Variants in LYPD6 observed in about 807,000 individuals in gnomAD.
The protein encoded by LYPD6 is LY6/PLAUR domain containing 6.
Under a neutral mutation model 22.7 loss-of-function variants are expected in LYPD6, and 15 were observed. The observed-to-expected ratio is 0.66, with a 90% CI of 0.44 to 1.02. LYPD6 has a LOEUF of 1.02. Ranked by LOEUF, LYPD6 falls within the 50% of genes least tolerant of loss-of-function variation. LYPD6 has a pLI of 0.00. For missense variants in LYPD6, 189 were observed against 208.4 expected, an observed-to-expected ratio of 0.91 and a Z score of 0.57; for synonymous variants, 72 against 77.5, an observed-to-expected ratio of 0.93 and a Z score of 0.37.
chr2:149,464,673 A>G (rs1218812769), intron 3 of LYPD6, among the ~76,000 whole-genome samples: 1 of 152,168 alleles, frequency 6.6e-6, no homozygotes, highest in Non-Finnish European at 1.5e-5. Context: ...TTCCTTGACA[A>G]TTAGGTGGCA....
chr2:149,388,484 A>G (rs1166993438), intron 1 of LYPD6, among the ~76,000 whole-genome samples: 2 of 152,158 alleles, frequency 1.3e-5, no homozygotes, highest in African/African-American at 4.8e-5. Context: ...TGGGGTTGTC[A>G]AGAAGACTGA....
Position 149,434,905 on chromosome 2 carries a change from T to G in LYPD6, c.-71-2733T>G, listed in dbSNP as rs116347380. 7.9e-3 allele frequency among the ~76,000 whole-genome samples: 1,202 copies of G among 152,232 alleles called. 8 individuals carry two copies. Among genetic ancestry groups the G allele is most frequent in the African/African-American group, 0.028 (1,163 of 41,508 alleles). ...CTGGGACATGTCTTGTGGGAGGAAA[T>G]GTTACCTAAAAAACAAAACAACAAC... On this transcript the variant is annotated intron_variant, in intron 1 of 4. Coordinates refer to ENST00000334166, the MANE Select transcript of LYPD6 (RefSeq NM_194317.5).
At chr2:149,402,854 A>G (rs927349156) in intron 1 of LYPD6, among the ~76,000 whole-genome samples, 50 of 149,890 alleles carry the variant, frequency 3.3e-4, no homozygotes, top group Non-Finnish European at 7.0e-4. Context: ...AGCATTAGGT[A>G]TATCTCCTAA....
chr2:149,344,285 T>C (rs965705581), intron 1 of LYPD6, among the ~76,000 whole-genome samples: 2 of 152,210 alleles, frequency 1.3e-5, no homozygotes, highest in Non-Finnish European at 2.9e-5. Flanking sequence ...GAGAAGTGCA[T>C]GTTGAGATAG....
At chr2:149,410,273 A>T (rs959289253) in intron 1 of LYPD6, among the ~76,000 whole-genome samples, 4 of 151,862 alleles carry the variant, frequency 2.6e-5, no homozygotes, top group Non-Finnish European at 4.4e-5. Context: ...CATCTGTTGG[A>T]TACATTTTTA....
At chr2:149,463,864 G>C (rs1681140129) in intron 3 of LYPD6, among the ~76,000 whole-genome samples, 1 of 152,050 alleles carries the variant, frequency 6.6e-6, no homozygotes, top group Admixed American at 6.6e-5. Context: ...CCAAGGGTTA[G>C]GGAAGGGGTG....
chr2:149,424,461 A>C (rs1168928431), intron 1 of LYPD6, among the ~76,000 whole-genome samples: 1 of 152,260 alleles, frequency 6.6e-6, no homozygotes, highest in Non-Finnish European at 1.5e-5. Context: ...GTCCAAGGTC[A>C]TAGACCTAAT....
intron 1 of LYPD6, among the ~76,000 whole-genome samples, chr2:149,373,264 G>T (rs570852550): frequency 1.1e-4 from 17 of 152,300 alleles, no homozygotes; most frequent in Admixed American, 2.6e-4. Context: ...AGTTTCTAAT[G>T]CCAGTGAGCC....
chr2:149,481,194 A>C, the LYPD6 span, among the ~76,000 whole-genome samples: 1 of 152,228 alleles, frequency 6.6e-6, no homozygotes, highest in Non-Finnish European at 1.5e-5. Flanking sequence ...AATGAGGAAG[A>C]AAGAGTAAGG....
intron 1 of LYPD6, chr2:149,370,428 G>C (rs1486233950): frequency 2.0e-5 from 3 of 152,080 alleles, no homozygotes; most frequent in African/African-American, 7.2e-5. Flanking sequence ...TCATGAGGGT[G>C]GAGCCCTCAT....
At chr2:149,406,541 G>C (rs1682713232) in intron 1 of LYPD6, among the ~76,000 whole-genome samples, 1 of 152,124 alleles carries the variant, frequency 6.6e-6, no homozygotes. Context: ...TTTTATCAGA[G>C]ACTAGGATTG....
At chr2:149,468,589 T>C in intron 3 of LYPD6, 56 bp from the exon 4 acceptor site, 1 of 1,581,586 alleles carries the variant, frequency 6.3e-7, no homozygotes, top group Non-Finnish European at 8.6e-7. Context: ...GTTATTTTCC[T>C]TTTAGGCAGG....
Position 149,473,779 on chromosome 2 carries a change from A to T in LYPD6, c.*2929A>T, listed in dbSNP as rs1358151810. ...AAGAATACATGCATGAGAAGATACA[A>T]GACAATTCACCCATGCCAAATGATT... On this transcript the variant is annotated 3_prime_UTR_variant, in exon 5 of 5. Coordinates refer to ENST00000334166, the MANE Select transcript of LYPD6 (RefSeq NM_194317.5). 2 of 152,214 alleles carry T rather than the reference A, an allele frequency of 1.3e-5. No individual in the cohort carries two copies. The highest frequency in any genetic ancestry group is 3.8e-4 in the East Asian group (2 of 5,196). The allele number at this position is 152,214 out of a possible 1,614,324, so 9.4% of individuals were successfully genotyped here. A position where few individuals can be genotyped will look rare whatever the true frequency, so the allele number is the denominator to read the frequency against.
chr2:149,421,870 GAGA>G (rs1208457069), intron 1 of LYPD6, among the ~76,000 whole-genome samples: 2 of 151,986 alleles, frequency 1.3e-5, no homozygotes, highest in Non-Finnish European at 1.5e-5. Flanking sequence ...TTTCAAATTT[GAGA>G]AGGTCTGCCC....
At chr2:149,450,769 G>A (rs151247986) in intron 3 of LYPD6, among the ~76,000 whole-genome samples, 4 of 152,236 alleles carry the variant, frequency 2.6e-5, no homozygotes, top group African/African-American at 7.2e-5. Context: ...GTAAACTTTC[G>A]AAAACACTAA....
rs552127267 is a variant in LYPD6, at chr2:149,393,379, C to T, written c.-71-44259C>T. 1.8e-4 allele frequency among the ~76,000 whole-genome samples: 28 copies of T among 152,266 alleles called. No individual in the cohort carries two copies. The South Asian group carries it at 5.6e-3, about 31-fold the overall frequency. On this transcript the variant is annotated intron_variant, in intron 1 of 4. Transcript: ENST00000334166. ...AGGTCAGTGTGCTCATAAATGGCTT[C>T]GGGTGAGTGTGTGAATTAAAAGCTC...
chr2:149,445,261 T>C (rs1018193193), intron 2 of LYPD6, among the ~76,000 whole-genome samples: 1 of 152,214 alleles, frequency 6.6e-6, no homozygotes, highest in African/African-American at 2.4e-5. Context: ...GCTTTGTTGT[T>C]CCATTTATAG....
At chr2:149,375,220 A>G (rs1681890022) in intron 1 of LYPD6, among the ~76,000 whole-genome samples, 1 of 152,194 alleles carries the variant, frequency 6.6e-6, no homozygotes, top group Non-Finnish European at 1.5e-5. Context: ...AGTATTTTTC[A>G]TCAGCGTAAA....
At chr2:149,410,895 A>T (rs1470925087) in intron 1 of LYPD6, among the ~76,000 whole-genome samples, 1 of 152,204 alleles carries the variant, frequency 6.6e-6, no homozygotes, top group Non-Finnish European at 1.5e-5. Context: ...TTCTATTTAG[A>T]TCATAGGAAA....
Sources: allele counts gnomAD v4.1 joint callset (sites outside exome capture counted in the v4.1 genomes callset), GRCh38; gene constraint gnomAD v4.1.1; transcripts MANE v1.5; gene names NCBI Gene and HGNC (gene_info 2026-07-23, HGNC 2026-07-21).